Variants in TRPC4 observed in about 807,000 individuals in gnomAD.
TRPC4 encodes the protein short transient receptor potential channel 4.
Under a neutral mutation model 99.4 loss-of-function variants are expected in TRPC4, and 49 were observed. That is an observed-to-expected ratio of 0.49 (90% CI 0.39 to 0.63). The LOEUF (loss-of-function observed/expected upper bound fraction) is 0.63. Among genes scored for constraint, TRPC4 ranks in the 20% least tolerant of loss-of-function variants. The probability of loss-of-function intolerance (pLI) is 0.00; values close to 1 mark genes in which losing one functional copy is unlikely to be tolerated. For synonymous variants in TRPC4, 454 were observed against 425.9 expected, an observed-to-expected ratio of 1.07 and a Z score of -0.81; for missense variants, 898 against 1,152.9, an observed-to-expected ratio of 0.78 and a Z score of 3.20.
chr13:37,660,679 GATGACATTCT>G (rs1192100922), intron 6 of TRPC4, among the ~76,000 whole-genome samples: 1 of 152,100 alleles, frequency 6.6e-6, no homozygotes, highest in Non-Finnish European at 1.5e-5. Context: ...TACCATTTTT[GATGACATTCT>G]ATGACATGAA....
intron 1 of TRPC4, among the ~76,000 whole-genome samples, chr13:37,859,974 A>G (rs1959219374): frequency 6.6e-6 from 1 of 150,990 alleles, no homozygotes. Context: ...TAAACATACC[A>G]TCCTCCGATG....
In TRPC4 at chr13:37,634,024, T is replaced by C. The variant is rs1297590413; in HGVS notation, c.*2879A>G. ...TGTTTTAAACTTACCTGCTAGTCTA[T>C]TAAACTGAATTTTCAACACACTCCT... On this transcript the variant is annotated 3_prime_UTR_variant, in exon 11 of 11. Transcript: ENST00000379705. Among the ~76,000 whole-genome samples, 2 of 152,042 alleles carry C rather than the reference T, an allele frequency of 1.3e-5. No individual in the cohort carries two copies. The highest frequency in any genetic ancestry group is 1.3e-4 in the Admixed American group (2 of 15,238).
chr13:37,761,745 G>C (rs927890329), intron 2 of TRPC4, among the ~76,000 whole-genome samples: 1 of 151,808 alleles, frequency 6.6e-6, no homozygotes, highest in Non-Finnish European at 1.5e-5. Flanking sequence ...CCAGAAAACT[G>C]TCTTGTTCAG....
In TRPC4 at chr13:37,651,457, G is replaced by A; in HGVS notation, c.1887C>T (p.Asp629=). 2.5e-6 allele frequency: 4 copies of A among 1,613,518 alleles called. No individual in the cohort carries two copies. Among genetic ancestry groups the A allele is most frequent in the African/African-American group, 1.3e-5 (1 of 74,974 alleles). ...CAAATTTCCATTCTATATCTGCATGGTCCTGAACAGGAGAACATGACAACT... is the reference window on the plus strand; with the variant it reads ...CAAATTTCCATTCTATATCTGCATGATCCTGAACAGGAGAACATGACAACT... ...MMNNSYQLIA[D]HADIEWKFAR... is the part of the protein sequence containing the mutation. The change falls in exon 8 of 11, where the codon GAC becomes GAT. Residue 629 remains aspartate (D), a splice_region_variant and synonymous_variant. Transcript: ENST00000379705.
chr13:37,797,168 A>C (rs1019575991), intron 1 of TRPC4, among the ~76,000 whole-genome samples: 1 of 151,606 alleles, frequency 6.6e-6, no homozygotes, highest in Non-Finnish European at 1.5e-5. Flanking sequence ...TGACACAGCA[A>C]GACCTGTCTT....
At position 37,786,064 on chromosome 13, in the gene TRPC4, A is replaced by G. The variant is rs144247366; in HGVS notation, c.-27-2704T>C. ...CTATCCACAAAGTGATGAAATCAACACTTACCAAGGAATGGCTGAGAAGTT... is the reference window on the plus strand; with the variant it reads ...CTATCCACAAAGTGATGAAATCAACGCTTACCAAGGAATGGCTGAGAAGTT... On this transcript the variant is annotated intron_variant, in intron 1 of 10. Transcript: ENST00000379705. Among the ~76,000 whole-genome samples, 286 of 152,200 alleles carry G rather than the reference A, an allele frequency of 1.9e-3. 1 individual carries two copies. The highest frequency in any genetic ancestry group is 6.9e-3 in the East Asian group (36 of 5,186).
At chr13:37,720,412 G>A (rs899811520) in intron 3 of TRPC4, among the ~76,000 whole-genome samples, 3 of 152,026 alleles carry the variant, frequency 2.0e-5, no homozygotes, top group Admixed American at 1.3e-4. Context: ...AAGTCTGTCC[G>A]TTGTTTTGGA....
At position 37,867,176 on chromosome 13, in the gene TRPC4, T is replaced by G. The variant is rs565435184; in HGVS notation, c.-28+2419A>C. Among the ~76,000 whole-genome samples the G allele has an allele frequency of 3.1e-4, 47 of 152,128 alleles. No individual in the cohort carries two copies. The South Asian group carries it at 9.7e-3, about 32-fold the overall frequency. On this transcript the variant is annotated intron_variant, in intron 1 of 10. Coordinates refer to ENST00000379705, the MANE Select transcript of TRPC4 (RefSeq NM_016179.4). ...TCATAAAATATTCAGTCCCTAATTT[T>G]ATAGTTCTAGCTACTGCTTAGTATT... is the stretch of plus-strand genomic sequence containing the variant.
chr13:37,632,427 TCACACTTACAG>T lies in TRPC4; in HGVS notation c.*4465_*4475del, dbSNP rs1951416321. On this transcript the variant is annotated 3_prime_UTR_variant, in exon 11 of 11. Transcript: ENST00000379705. ...CTGTCCTAGAAATCTGGTGTGTGTT[TCACACTTACAG>T]CACATCTTAATTCAGACTTGTCACA... Among the ~76,000 whole-genome samples the T allele has an allele frequency of 6.6e-6, 1 of 152,238 alleles. No homozygotes were observed. Among genetic ancestry groups the T allele is most frequent in the Non-Finnish European group, 1.5e-5 (1 of 68,046 alleles).
intron 3 of TRPC4, among the ~76,000 whole-genome samples, chr13:37,721,840 C>T (rs1407497835): frequency 6.6e-6 from 1 of 151,890 alleles, no homozygotes; most frequent in Non-Finnish European, 1.5e-5. Context: ...TTTCGCTATG[C>T]TACTCAGACT....
intron 3 of TRPC4, among the ~76,000 whole-genome samples, chr13:37,702,499 C>G (rs780182762): frequency 2.6e-5 from 4 of 152,052 alleles, no homozygotes; most frequent in African/African-American, 7.2e-5. Context: ...GTTTATAACA[C>G]TGTTTTATTA....
intron 6 of TRPC4, among the ~76,000 whole-genome samples, chr13:37,659,992 T>C (rs935612529): frequency 1.3e-5 from 2 of 152,126 alleles, no homozygotes; most frequent in Non-Finnish European, 2.9e-5. Flanking sequence ...GACAGCTGAA[T>C]ATATTGTGCA....
intron 8 of TRPC4, among the ~76,000 whole-genome samples, chr13:37,650,610 T>TCTACAC (rs763182248): frequency 8.0e-4 from 52 of 65,124 alleles, no homozygotes; most frequent in Middle Eastern, 7.4e-3. Context: ...TCTCTCTCTC[T>TCTACAC]ATACACACAC....
At chr13:37,737,039 T>G (rs1955418726) in intron 3 of TRPC4, among the ~76,000 whole-genome samples, 1 of 151,900 alleles carries the variant, frequency 6.6e-6, no homozygotes, top group Non-Finnish European at 1.5e-5. Context: ...AGCCAACTTC[T>G]TTTTGATATT....
intron 2 of TRPC4, among the ~76,000 whole-genome samples, chr13:37,755,932 G>C (rs1362111841): frequency 3.3e-5 from 5 of 151,794 alleles, no homozygotes; most frequent in Admixed American, 3.3e-4. Flanking sequence ...CTTGTGTTTA[G>C]CATCATTGTT....
intron 2 of TRPC4, among the ~76,000 whole-genome samples, chr13:37,775,900 A>C (rs1286624509): frequency 6.6e-6 from 1 of 151,726 alleles, no homozygotes; most frequent in Non-Finnish European, 1.5e-5. Flanking sequence ...GAGAGGAAAA[A>C]GCAACAGAAC....
chr13:37,835,331 T>C (rs1958537688), intron 1 of TRPC4, among the ~76,000 whole-genome samples: 1 of 152,192 alleles, frequency 6.6e-6, no homozygotes, highest in Admixed American at 6.5e-5. Context: ...TCCAGTGTCC[T>C]CCATTCACAG....
chr13:37,828,870 T>G (rs1038594418), intron 1 of TRPC4, among the ~76,000 whole-genome samples: 1 of 152,174 alleles, frequency 6.6e-6, no homozygotes, highest in African/African-American at 2.4e-5. Context: ...ATTGAAAAAC[T>G]ACCTATCAGG....
intron 2 of TRPC4, among the ~76,000 whole-genome samples, chr13:37,781,817 C>G (rs1156585015): frequency 6.6e-6 from 1 of 151,984 alleles, no homozygotes; most frequent in Non-Finnish European, 1.5e-5. Context: ...CATAAAAACA[C>G]AGGCTTTTCC....
Sources: allele counts gnomAD v4.1 joint callset (sites outside exome capture counted in the v4.1 genomes callset), GRCh38; gene constraint gnomAD v4.1.1; transcripts MANE v1.5; gene names NCBI Gene and HGNC (gene_info 2026-07-23, HGNC 2026-07-21).